TIA1: variants seen among roughly 807,000 people sequenced by gnomAD.
The protein encoded by TIA1 is TIA1 cytotoxic granule associated RNA binding protein, also known as cytotoxic granule associated RNA binding protein TIA1.
A neutral mutation model predicts 65.9 loss-of-function variants in TIA1; 23 were observed. The observed-to-expected ratio is 0.35, with a 90% CI of 0.25 to 0.49. The LOEUF (loss-of-function observed/expected upper bound fraction) is 0.49. Among genes scored for constraint, TIA1 ranks in the 20% least tolerant of loss-of-function variants. The pLI, the probability that TIA1 is intolerant of heterozygous loss-of-function variation, is 0.98. For missense variants in TIA1, 371 were observed against 477.9 expected (o/e 0.78, Z 2.09); for synonymous variants, 147 against 149.4 (o/e 0.98, Z 0.12).
In TIA1 at chr2:70,248,563, C is replaced by G; in HGVS notation, c.-133G>C. The G allele has an allele frequency of 5.1e-6, 7 of 1,376,726 alleles. No homozygotes were observed. Among genetic ancestry groups the G allele is most frequent in the Non-Finnish European group, 7.0e-6 (7 of 995,142 alleles). 85.3% of individuals were successfully genotyped at this position (1,376,726 alleles called of 1,614,324 possible). On this transcript the variant is annotated 5_prime_UTR_variant, in exon 1 of 13. Transcript: ENST00000433529. ...CCAGAGGTTACTCCGCCTCCTCCTC[C>G]GGCGGCAATTACACTAAACCGCCCG...
chr2:70,234,643 C>A (rs74627636), intron 2 of TIA1, among the ~76,000 whole-genome samples: 9,339 of 152,202 alleles, frequency 0.061, 363 homozygotes, highest in East Asian at 0.18. Context: ...CTCACTGCAA[C>A]CTTCGCCTCC....
chr2:70,225,461 A>G lies in TIA1; in HGVS notation c.399-832T>C, dbSNP rs959353691. The stretch of plus-strand genomic sequence containing the variant: ...ACCCAGCCATGATAGCTAAAACTCC[A>G]TACCTCAAAAAATTGGACTCAAATT... On this transcript the variant is annotated intron_variant, in intron 6 of 12. Coordinates refer to ENST00000433529, the MANE Select transcript of TIA1 (RefSeq NM_022173.4). The G allele has an allele frequency of 6.8e-5, 87 of 1,275,876 alleles. No homozygotes were observed. In the African/African-American group the frequency reaches 1.2e-3, roughly 17 times the overall value. The allele number at this position is 1,275,876 out of a possible 1,614,324, so 79.0% of individuals were successfully genotyped here.
At chr2:70,215,810 G>C (rs1024354086) in intron 10 of TIA1, 9 of 314,698 alleles carry the variant, frequency 2.9e-5, no homozygotes, top group Non-Finnish European at 5.3e-5. Flanking sequence ...TGCAGTGATT[G>C]TGATCTTGGC....
chr2:70,237,022 G>A (rs181752505), intron 1 of TIA1, among the ~76,000 whole-genome samples: 1 of 152,306 alleles, frequency 6.6e-6, no homozygotes, highest in African/African-American at 2.4e-5. Flanking sequence ...GCAGATCTTT[G>A]CCTTAAACTA....
intron 1 of TIA1, among the ~76,000 whole-genome samples, chr2:70,247,498 T>C (rs1050212090): frequency 4.6e-5 from 7 of 152,192 alleles, no homozygotes; most frequent in Non-Finnish European, 1.0e-4. Context: ...AAGAACTCAT[T>C]GAGCTTTTCT....
chr2:70,228,537 A>G (rs1684739632), intron 5 of TIA1: 1 of 1,132,068 alleles, frequency 8.8e-7, no homozygotes, highest in Admixed American at 4.6e-5. Flanking sequence ...GGAGAGAAAT[A>G]ACCAACCCAT....
chr2:70,216,941 T>A lies in TIA1; in HGVS notation c.528A>T (p.Gln176His). 1.2e-6 allele frequency: 2 copies of A among 1,613,994 alleles called. No homozygotes were observed. The highest frequency in any genetic ancestry group is 1.7e-6 in the Non-Finnish European group (2 of 1,179,900). Residue 176 changes from glutamine to histidine, a missense_variant, in exon 8 of 13, where the codon CAA (glutamine) becomes CAT (histidine). By Grantham distance (24) the Gln-to-His change is conservative. Transcript: ENST00000433529. Reference sequence around the variant, plus strand: ...TTCGGGTTGCCCAGTTAGTTCTGATTTGTCTTCCACCAAGCCACTGGCCAC... The same window carrying A: ...TTCGGGTTGCCCAGTTAGTTCTGATATGTCTTCCACCAAGCCACTGGCCAC... ...QMGGQWLGGR[Q>H]IRTNWATRKP...
intron 1 of TIA1, among the ~76,000 whole-genome samples, chr2:70,247,624 A>C (rs1449191028): frequency 6.6e-6 from 1 of 152,220 alleles, no homozygotes; most frequent in South Asian, 2.1e-4. Flanking sequence ...CCGGTAATTT[A>C]ACGCTATCTC....
chr2:70,209,845 A>G lies in TIA1; in HGVS notation c.*2874T>C, dbSNP rs533836786. ...TCAGGACCACTGTACAGCACTTAGT[A>G]AACCTGTCTTTGTACATGCAATCTA... On this transcript the variant is annotated 3_prime_UTR_variant, in exon 13 of 13. Transcript: ENST00000433529. The G allele has an allele frequency of 2.5e-6, 1 of 397,312 alleles. No homozygotes were observed. Among genetic ancestry groups the G allele is most frequent in the South Asian group, 1.4e-4 (1 of 7,134 alleles). The allele number at this position is 397,312 out of a possible 1,614,324, so 24.6% of individuals were successfully genotyped here.
chr2:70,242,330 G>A (rs930547280), intron 1 of TIA1, among the ~76,000 whole-genome samples: 1 of 151,604 alleles, frequency 6.6e-6, no homozygotes, highest in Non-Finnish European at 1.5e-5. Context: ...TCAGGAGTTC[G>A]AGATCAGCCT....
rs181187910 is a variant in TIA1, at chr2:70,240,516, G to A, written c.27-4341C>T. Among the ~76,000 whole-genome samples, 13 of 152,310 alleles carry A rather than the reference G, an allele frequency of 8.5e-5. No homozygotes were observed. The East Asian group carries it at 2.3e-3, about 27-fold the overall frequency. On this transcript the variant is annotated intron_variant, in intron 1 of 12. Coordinates refer to ENST00000433529, the MANE Select transcript of TIA1 (RefSeq NM_022173.4). ...GAGGTGGGTGGATCCCTTGAACCCA[G>A]GAGTTTGAGTCCAGCCTGGGAACAT...
intron 1 of TIA1, among the ~76,000 whole-genome samples, chr2:70,241,856 T>A (rs888892795): frequency 1.3e-5 from 2 of 151,042 alleles, no homozygotes; most frequent in Non-Finnish European, 2.9e-5. Context: ...AAGTGAACAA[T>A]GATTGTGCCA....
chr2:70,233,592 C>G (rs558225703), intron 2 of TIA1, among the ~76,000 whole-genome samples: 1 of 151,446 alleles, frequency 6.6e-6, no homozygotes, highest in Non-Finnish European at 1.5e-5. Flanking sequence ...ATGGTGAAAC[C>G]CTGTCTCTAC....
At chr2:70,239,693 T>C (rs1690823405) in intron 1 of TIA1, among the ~76,000 whole-genome samples, 3 of 152,212 alleles carry the variant, frequency 2.0e-5, no homozygotes, top group Admixed American at 2.0e-4. Flanking sequence ...AAGGTTAAGA[T>C]GGCAAAGGAA....
At chr2:70,245,115 T>G (rs890628432) in intron 1 of TIA1, among the ~76,000 whole-genome samples, 3 of 152,080 alleles carry the variant, frequency 2.0e-5, no homozygotes, top group Non-Finnish European at 4.4e-5. Context: ...GAGTCCCGAG[T>G]AGCTGAGGCT....
intron 7 of TIA1, among the ~76,000 whole-genome samples, chr2:70,222,904 ACT>A (rs766048898): frequency 2.3e-4 from 35 of 151,876 alleles, no homozygotes; most frequent in Non-Finnish European, 3.8e-4. Flanking sequence ...ACAGAGCGAA[ACT>A]CCGTCTCAAA....
intron 2 of TIA1, among the ~76,000 whole-genome samples, chr2:70,235,541 A>AGGGTGTGT (rs1553451641): frequency 6.8e-6 from 1 of 147,204 alleles, no homozygotes; most frequent in Non-Finnish European, 1.5e-5. Context: ...TAGATGAATG[A>AGGGTGTGT]GTGTGTGTGT....
intron 4 of TIA1, 22 bp from the exon 5 acceptor site, chr2:70,229,113 G>C: frequency 6.2e-7 from 1 of 1,613,562 alleles, no homozygotes; most frequent in South Asian, 1.1e-5. Flanking sequence ...GATTAGATTT[G>C]TTCTTAAATT....
Position 70,216,846 on chromosome 2 carries a change from C to T in TIA1, c.583+40G>A, listed in dbSNP as rs1573222079. 2.5e-6 allele frequency: 4 copies of T among 1,613,488 alleles called. No individual in the cohort carries two copies. The East Asian group carries it at 8.9e-5, about 36-fold the overall frequency. ...CATTTAAAATCTAGCGTATTTTTCT[C>T]CAAAATTCCACATTTCCTTTTCTTC... On this transcript the variant is annotated intron_variant, in intron 8 of 12. Coordinates refer to ENST00000433529, the MANE Select transcript of TIA1 (RefSeq NM_022173.4).
Sources: gnomAD v4.1 joint callset for allele counts (sites outside exome capture counted in the v4.1 genomes callset) on GRCh38, gnomAD v4.1.1 for gene constraint, MANE v1.5 for transcripts, NCBI Gene and HGNC (gene_info 2026-07-23, HGNC 2026-07-21) for gene names.